ARHGEF4: variants seen among roughly 807,000 people sequenced by gnomAD.
ARHGEF4 encodes the protein APC-stimulated guanine nucleotide exchange factor 1.
ARHGEF4 carries 119 observed loss-of-function variants against 162.0 expected under a neutral mutation model. The observed-to-expected ratio is 0.73, with a 90% confidence interval of 0.63 to 0.86. ARHGEF4 has a LOEUF of 0.86. Ranked by LOEUF, ARHGEF4 falls within the 40% of genes least tolerant of loss-of-function variation. ARHGEF4 has a pLI of 0.00. For missense variants in ARHGEF4, 2,488 were observed against 2,456.0 expected (o/e 1.01, Z -0.28); for synonymous variants, 1,014 against 979.9 (o/e 1.03, Z -0.65).
chr2:130,985,748 G>A (rs1224310937), intron 4 of ARHGEF4, among the ~76,000 whole-genome samples: 1 of 151,970 alleles, frequency 6.6e-6, no homozygotes, highest in Non-Finnish European at 1.5e-5. Flanking sequence ...TTGTGTGTGT[G>A]GTGTGTGTTG....
At chr2:130,971,531 G>T (rs1352187774) in intron 4 of ARHGEF4, among the ~76,000 whole-genome samples, 1 of 151,884 alleles carries the variant, frequency 6.6e-6, no homozygotes, top group Non-Finnish European at 1.5e-5. Flanking sequence ...GGTGGCGGGC[G>T]CCTGTAATCC....
chr2:130,871,144 A>G (rs1259468669), intron 1 of ARHGEF4, among the ~76,000 whole-genome samples: 6 of 152,220 alleles, frequency 3.9e-5, no homozygotes, highest in African/African-American at 7.2e-5. Context: ...GCTGGGGCAC[A>G]GGTCAGCTCT....
chr2:130,942,533 A>G (rs1347384043), intron 3 of ARHGEF4, among the ~76,000 whole-genome samples: 1 of 152,206 alleles, frequency 6.6e-6, no homozygotes, highest in Non-Finnish European at 1.5e-5. Flanking sequence ...AACTGCAGGT[A>G]TAATTCTGAA....
intron 1 of ARHGEF4, among the ~76,000 whole-genome samples, chr2:130,856,675 A>C (rs1388871887): frequency 6.6e-6 from 1 of 152,236 alleles, no homozygotes; most frequent in Non-Finnish European, 1.5e-5. Flanking sequence ...TGGTGGACCT[A>C]TAGCATATAG....
At chr2:131,024,249 ATCTTT>A (rs1308821422) in intron 4 of ARHGEF4, among the ~76,000 whole-genome samples, 50 of 152,152 alleles carry the variant, frequency 3.3e-4, no homozygotes, top group Admixed American at 8.5e-4. Context: ...ACAATAAAAC[ATCTTT>A]TGTTTTGTTT....
chr2:130,863,798 G>A (rs72658770), intron 1 of ARHGEF4, among the ~76,000 whole-genome samples: 3,568 of 38,894 alleles, frequency 0.092, 232 homozygotes, highest in South Asian at 0.2. Context: ...ACCTCATAAC[G>A]GTTCAAAATC....
At chr2:130,903,614 G>A (rs566572620) in intron 1 of ARHGEF4, among the ~76,000 whole-genome samples, 3 of 152,226 alleles carry the variant, frequency 2.0e-5, no homozygotes, top group South Asian at 2.1e-4. Context: ...GTTGCATGAC[G>A]CTGAGGTTTG....
chr2:130,844,203 A>G (rs1366741840), intron 1 of ARHGEF4, among the ~76,000 whole-genome samples: 1 of 152,184 alleles, frequency 6.6e-6, no homozygotes, highest in East Asian at 1.9e-4. Flanking sequence ...CCCATATGTG[A>G]TTTCCTCATC....
chr2:130,985,736 T>G lies in ARHGEF4; in HGVS notation c.3985+39101T>G, dbSNP rs559949539. On this transcript the variant is annotated intron_variant, in intron 4 of 13. Coordinates refer to ENST00000409359, the MANE Select transcript of ARHGEF4 (RefSeq NM_001367493.1). ...GGCACTATTGGGTAGGTTTCAAGTG[T>G]CTTGTGTGTGTGGTGTGTGTTGTGT... Among the ~76,000 whole-genome samples the G allele has an allele frequency of 6.2e-4, 95 of 152,234 alleles. 1 individual carries two copies. Among genetic ancestry groups the G allele is most frequent in the African/African-American group, 2.1e-3 (86 of 41,542 alleles).
chr2:130,878,151 T>C (rs564719448), intron 1 of ARHGEF4, among the ~76,000 whole-genome samples: 2 of 152,326 alleles, frequency 1.3e-5, no homozygotes, highest in Admixed American at 6.5e-5. Context: ...ATAAATACTT[T>C]AGGGTTTGTA....
At chr2:130,911,013 A>T (rs1400445987) in intron 1 of ARHGEF4, among the ~76,000 whole-genome samples, 1 of 152,214 alleles carries the variant, frequency 6.6e-6, no homozygotes, top group African/African-American at 2.4e-5. Context: ...AAGTGTGCAT[A>T]TTAAATGTAA....
At chr2:130,913,894 CT>C in intron 1 of ARHGEF4, 91 bp from the exon 2 acceptor site, 1 of 1,460,748 alleles carries the variant, frequency 6.8e-7, no homozygotes, top group Non-Finnish European at 9.2e-7. Context: ...ATTTCTGAGC[CT>C]TCCTCCTTCT....
At chr2:131,011,580 C>A in intron 4 of ARHGEF4, 1 of 1,501,000 alleles carries the variant, frequency 6.7e-7, no homozygotes. Context: ...CTTTGGACAG[C>A]ATTTCATGCT....
intron 5 of ARHGEF4, chr2:131,035,103 C>T: frequency 9.1e-7 from 1 of 1,100,460 alleles, no homozygotes; most frequent in Non-Finnish European, 1.1e-6. Context: ...TGGCGAGGGC[C>T]CCGCAGCCCC....
chr2:130,951,785 G>T (rs1024015169), intron 4 of ARHGEF4, among the ~76,000 whole-genome samples: 4 of 152,040 alleles, frequency 2.6e-5, no homozygotes, highest in Non-Finnish European at 5.9e-5. Context: ...CTTAATTCCA[G>T]TAATATATAG....
intron 11 of ARHGEF4, among the ~76,000 whole-genome samples, chr2:131,044,045 T>G (rs1485707593): frequency 1.3e-5 from 2 of 151,984 alleles, no homozygotes; most frequent in Non-Finnish European, 2.9e-5. Flanking sequence ...TGTCTTAGTC[T>G]CCCCACCTCA....
intron 1 of ARHGEF4, among the ~76,000 whole-genome samples, chr2:130,910,303 G>C (rs1681094768): frequency 6.6e-6 from 1 of 152,100 alleles, no homozygotes; most frequent in South Asian, 2.1e-4. Context: ...GAAAATAAAA[G>C]GATGGAAAAA....
chr2:130,990,644 G>GGC (rs1686883633), intron 4 of ARHGEF4, among the ~76,000 whole-genome samples: 1 of 152,136 alleles, frequency 6.6e-6, no homozygotes, highest in African/African-American at 2.4e-5. Context: ...GGATCCCACA[G>GGC]TGATTCTGCA....
intron 1 of ARHGEF4, among the ~76,000 whole-genome samples, chr2:130,844,171 G>T (rs911382839): frequency 7.2e-5 from 11 of 152,384 alleles, no homozygotes; most frequent in South Asian, 2.1e-4. Context: ...TGGCTCAGGA[G>T]AAGTGCTGTG....
Sources: allele counts gnomAD v4.1 joint callset (sites outside exome capture counted in the v4.1 genomes callset), GRCh38; gene constraint gnomAD v4.1.1; transcripts MANE v1.5; gene names NCBI Gene and HGNC (gene_info 2026-07-23, HGNC 2026-07-21).